Variants in WWOX observed in about 807,000 individuals in gnomAD.
WWOX encodes the protein WW domain-containing oxidoreductase.
In WWOX, 69 loss-of-function variants were observed where a neutral mutation model predicts 46.2. The ratio of observed to expected loss-of-function variants is 1.49; its 90% confidence interval spans 1.23 to 1.82. The LOEUF (loss-of-function observed/expected upper bound fraction) is 1.82, where lower values mean the gene tolerates loss of function less well. Ranked by LOEUF, WWOX falls within the 40% of genes most tolerant of loss-of-function variation. The pLI is 0.00. For synonymous variants in WWOX, 359 were observed against 202.6 expected, an observed-to-expected ratio of 1.77 and a Z score of -6.56; for missense variants, 919 against 542.6, an observed-to-expected ratio of 1.69 and a Z score of -6.89.
intron 8 of WWOX, among the ~76,000 whole-genome samples, chr16:79,080,187 C>T (rs1281968454): frequency 2.0e-5 from 3 of 152,102 alleles, no homozygotes; most frequent in Non-Finnish European, 4.4e-5. Context: ...ACCAGAGAAT[C>T]CCGTGGAATC....
At chr16:78,427,021 G>C (rs978439603) in intron 7 of WWOX, among the ~76,000 whole-genome samples, 1 of 152,194 alleles carries the variant, frequency 6.6e-6, no homozygotes, top group African/African-American at 2.4e-5. Flanking sequence ...GCTGGCTTGT[G>C]TATTACCTTC....
chr16:78,530,139 A>T (rs1479202206), intron 8 of WWOX, among the ~76,000 whole-genome samples: 1 of 152,186 alleles, frequency 6.6e-6, no homozygotes, highest in East Asian at 1.9e-4. Flanking sequence ...GGCAGGAATG[A>T]ACTCTGTACT....
At chr16:78,751,531 C>G (rs570620545) in intron 8 of WWOX, among the ~76,000 whole-genome samples, 5 of 146,410 alleles carry the variant, frequency 3.4e-5, no homozygotes, top group Admixed American at 2.7e-4. Flanking sequence ...ACCCAAAACT[C>G]ATATAAAAAG....
At chr16:79,141,180 A>G (rs1170081113) in intron 8 of WWOX, among the ~76,000 whole-genome samples, 8 of 152,190 alleles carry the variant, frequency 5.3e-5, no homozygotes, top group Non-Finnish European at 8.8e-5. Context: ...CAGAAACTCA[A>G]AAGAATGCAA....
At chr16:78,914,690 T>C (rs373914000) in intron 8 of WWOX, among the ~76,000 whole-genome samples, 1 of 151,506 alleles carries the variant, frequency 6.6e-6, no homozygotes, top group East Asian at 1.9e-4. Context: ...CTATCCTGGC[T>C]AACACGGTGA....
Position 78,107,274 on chromosome 16 carries a change from C to T in WWOX, c.108-1149C>T, listed in dbSNP as rs554605083. On this transcript the variant is annotated intron_variant, in intron 1 of 8. Transcript: ENST00000566780. ...GTATGTTTTCCTGGATACCTTATTA[C>T]CTGGTGACACGTGTTTCTAGTTATT... Among the ~76,000 whole-genome samples, 4 of 152,264 alleles carry T rather than the reference C, an allele frequency of 2.6e-5. No homozygotes were observed. The South Asian group carries it at 8.3e-4, about 32-fold the overall frequency.
At chr16:79,113,076 C>G (rs910803585) in intron 8 of WWOX, among the ~76,000 whole-genome samples, 1 of 152,158 alleles carries the variant, frequency 6.6e-6, no homozygotes, top group African/African-American at 2.4e-5. Flanking sequence ...TACCAGAACT[C>G]GGTCTGGTGG....
chr16:79,095,534 C>G (rs563948615), intron 8 of WWOX, among the ~76,000 whole-genome samples: 2 of 152,226 alleles, frequency 1.3e-5, no homozygotes, highest in South Asian at 4.2e-4. Flanking sequence ...TGAGGAGATG[C>G]AGGGTGAGGC....
chr16:78,381,134 C>G (rs2081947897), intron 5 of WWOX, among the ~76,000 whole-genome samples: 1 of 152,182 alleles, frequency 6.6e-6, no homozygotes, highest in South Asian at 2.1e-4. Flanking sequence ...ATGACAATAT[C>G]TCCCCATTTC....
chr16:78,423,845 A>C (rs914334208), intron 6 of WWOX, among the ~76,000 whole-genome samples: 5 of 123,052 alleles, frequency 4.1e-5, no homozygotes, highest in Middle Eastern at 4.2e-3. Context: ...GATCTTGTCA[A>C]AAAAAAAAAA....
chr16:79,191,344 G>C (rs441574), intron 8 of WWOX, among the ~76,000 whole-genome samples: 105,707 of 151,990 alleles, frequency 0.7, 37,356 homozygotes, highest in Non-Finnish European at 0.77. Flanking sequence ...GCGTGAGCCA[G>C]CGCGCCCAGC....
chr16:78,621,918 C>T (rs1390163293), intron 8 of WWOX, among the ~76,000 whole-genome samples: 1 of 151,916 alleles, frequency 6.6e-6, no homozygotes, highest in Non-Finnish European at 1.5e-5. Flanking sequence ...TTGTTTTAAT[C>T]TTTTAGACAA....
At chr16:78,942,061 G>T (rs1040630477) in intron 8 of WWOX, among the ~76,000 whole-genome samples, 5 of 152,146 alleles carry the variant, frequency 3.3e-5, no homozygotes, top group African/African-American at 1.2e-4. Flanking sequence ...CCGCTGATAG[G>T]TAGTTACTCT....
At chr16:78,215,060 G>T (rs2036673599) in intron 5 of WWOX, among the ~76,000 whole-genome samples, 1 of 152,192 alleles carries the variant, frequency 6.6e-6, no homozygotes, top group Non-Finnish European at 1.5e-5. Flanking sequence ...GGGTTTGGTA[G>T]TAGATGTAGG....
intron 8 of WWOX, among the ~76,000 whole-genome samples, chr16:79,011,471 A>G (rs962545820): frequency 6.5e-5 from 9 of 138,908 alleles, no homozygotes; most frequent in Admixed American, 2.9e-4. Flanking sequence ...TTATTTATTT[A>G]TTTATTTATT....
intron 8 of WWOX, among the ~76,000 whole-genome samples, chr16:78,929,852 G>A (rs754808338): frequency 6.6e-6 from 1 of 152,136 alleles, no homozygotes; most frequent in African/African-American, 2.4e-5. Flanking sequence ...GATTGTGCAC[G>A]GACCCTTGCC....
chr16:78,130,444 G>A (rs1172762449), intron 4 of WWOX, among the ~76,000 whole-genome samples: 3 of 152,162 alleles, frequency 2.0e-5, no homozygotes, highest in Non-Finnish European at 4.4e-5. Context: ...CTCCAGAACT[G>A]TGTTAAAGAA....
intron 5 of WWOX, among the ~76,000 whole-genome samples, chr16:78,325,927 T>A (rs906792633): frequency 2.0e-5 from 3 of 152,260 alleles, no homozygotes; most frequent in African/African-American, 4.8e-5. Flanking sequence ...CCACTGTGGA[T>A]CCTGTGCCTG....
At chr16:78,990,563 C>T (rs2046867035) in intron 8 of WWOX, among the ~76,000 whole-genome samples, 1 of 152,154 alleles carries the variant, frequency 6.6e-6, no homozygotes, top group African/African-American at 2.4e-5. Context: ...CCGGGGAGCC[C>T]CCAAAGCCCC....
Sources: gnomAD v4.1 joint callset for allele counts (sites outside exome capture counted in the v4.1 genomes callset) on GRCh38, gnomAD v4.1.1 for gene constraint, MANE v1.5 for transcripts, NCBI Gene and HGNC (gene_info 2026-07-23, HGNC 2026-07-21) for gene names.